NAPSA: variants seen among roughly 807,000 people sequenced by gnomAD.
NAPSA encodes napsin A aspartic peptidase.
Under a neutral mutation model 36.7 loss-of-function variants are expected in NAPSA, and 37 were observed. That is an observed-to-expected ratio of 1.01 (90% confidence interval 0.78 to 1.33). The LOEUF is 1.33. Among genes scored for constraint, NAPSA ranks in the 40% most tolerant of loss-of-function variants. The probability of loss-of-function intolerance (pLI) is 0.00; values close to 1 mark genes in which losing one functional copy is unlikely to be tolerated. For missense variants in NAPSA, 532 were observed against 543.8 expected (o/e 0.98, Z 0.21); for synonymous variants, 222 against 234.5 (o/e 0.95, Z 0.49).
chr19:50,367,117 A>G (rs2037558357), upstream of NAPSA, among the ~76,000 whole-genome samples: 1 of 150,488 alleles, frequency 6.6e-6, no homozygotes, highest in South Asian at 2.1e-4. Context: ...GAGCCACCGC[A>G]CCCAGCCTAC....
chr19:50,362,461 A>G, intron 1 of NAPSA, 148 bp from the exon 2 acceptor site: 1 of 639,766 alleles, frequency 1.6e-6, no homozygotes, highest in East Asian at 3.0e-5. Context: ...AACAACCTCC[A>G]GAAAAGCCCA....
upstream of NAPSA, chr19:50,369,150 C>T (rs915010745): frequency 6.6e-6 from 1 of 152,164 alleles, no homozygotes; most frequent in Non-Finnish European, 1.5e-5. Flanking sequence ...TTAAACCCGT[C>T]ATTTTATTTA....
chr19:50,367,866 C>T (rs2037568794), upstream of NAPSA, among the ~76,000 whole-genome samples: 1 of 152,048 alleles, frequency 6.6e-6, no homozygotes, highest in South Asian at 2.1e-4. Flanking sequence ...AGTCAAAACC[C>T]TTAGAAATCG....
rs2037492241 is a variant in NAPSA at position 50,362,578 on chromosome 19, A to G, written c.84-265T>C. 10 of 306,316 alleles carry G rather than the reference A, an allele frequency of 3.3e-5. No individual in the cohort carries two copies. The South Asian group carries it at 7.6e-4, about 23-fold the overall frequency. The allele number at this position is 306,316 out of a possible 1,614,324, so 19.0% of individuals were successfully genotyped here. ...CCTTAAAATAAGCTATTCCCAAGGA[A>G]TTGACATTCTTAAAGATTTCCCAAG... On this transcript the variant is annotated intron_variant, in intron 1 of 8. Coordinates refer to ENST00000253719, the MANE Select transcript of NAPSA (RefSeq NM_004851.3).
chr19:50,360,007 G>A (rs749829491), intron 5 of NAPSA, 145 bp from the exon 6 acceptor site: 2 of 1,082,566 alleles, frequency 1.8e-6, no homozygotes, highest in East Asian at 2.5e-5. Context: ...GGGCCTAGAT[G>A]TTGGGACTGG....
chr19:50,359,111 T>C lies in NAPSA; in HGVS notation c.937-2A>G. On this transcript the variant is annotated splice_acceptor_variant, in intron 7 of 8. Coordinates refer to ENST00000253719, the MANE Select transcript of NAPSA (RefSeq NM_004851.3). LOFTEE classifies it high-confidence loss of function. ...GATTTCCGAGCACAGGATGATGTAC[T>C]GGGGGAGAAGAGGAACTAGTGAAGA... The C allele has an allele frequency of 6.2e-7, 1 of 1,610,882 alleles. No individual in the cohort carries two copies. Among genetic ancestry groups the C allele is most frequent in the Non-Finnish European group, 8.5e-7 (1 of 1,177,240 alleles).
rs2037538879 is a variant in NAPSA at position 50,365,594 on chromosome 19, G to GT, written c.27_28insA (p.Leu10ThrfsTer87). The stretch of plus-strand genomic sequence containing the variant: ...TTCAGCAGAGGCAGCAGCAGCAGCA[G>GT]GGGTTGCAGCAGCGGTGGTGGAGAC... On this transcript the variant is annotated frameshift_variant, in exon 1 of 9. Coordinates refer to ENST00000253719, the MANE Select transcript of NAPSA (RefSeq NM_004851.3). LOFTEE classifies it high-confidence loss of function. The GT allele has an allele frequency of 2.8e-5, 45 of 1,613,124 alleles. No individual in the cohort carries two copies. Among genetic ancestry groups the GT allele is most frequent in the Non-Finnish European group, 3.6e-5 (43 of 1,179,766 alleles).
Position 50,359,648 on chromosome 19 carries a change from C to G in NAPSA, c.792-1G>C, listed in dbSNP as rs1050829305. 2.5e-6 allele frequency: 4 copies of G among 1,614,124 alleles called. No individual in the cohort carries two copies. The highest frequency in any genetic ancestry group is 1.3e-5 in the African/African-American group (1 of 74,956). ...AGTCAGCCCTGGGCCCACCTTCACACTGAGGGGGAAGGAGGCAGTCATCAG... is the reference window on the plus strand; with the variant it reads ...AGTCAGCCCTGGGCCCACCTTCACAGTGAGGGGGAAGGAGGCAGTCATCAG... On this transcript the variant is annotated splice_acceptor_variant, in intron 6 of 8. Transcript: ENST00000253719. LOFTEE classifies it high-confidence loss of function.
Position 50,359,559 on chromosome 19 carries a change from C to T in NAPSA, c.880G>A (p.Glu294Lys), listed in dbSNP as rs2037443500. ...GCTGCATGCAGGGCCCGGATCTCCT[C>T]AGTGGGTCCTGTGATGAGGGACGTG... Reference protein sequence around the residue: ...TGTSLITGPTEEIRALHAAIG... With the variant: ...TGTSLITGPTKEIRALHAAIG... The change falls in exon 7 of 9, where the codon GAG (glutamate) becomes AAG (lysine). Residue 294 changes from glutamate to lysine, a missense_variant. Around this residue, in one of 3 missense-constraint regions of NAPSA, gnomAD observed 385 missense variants for 371.5 expected, o/e 1.04. Transcript: ENST00000253719. 3 of 1,614,246 alleles carry T rather than the reference C, an allele frequency of 1.9e-6. No homozygotes were observed. Among genetic ancestry groups the T allele is most frequent in the Admixed American group, 1.7e-5 (1 of 60,028 alleles).
chr19:50,361,394 G>A, intron 4 of NAPSA: 1 of 579,008 alleles, frequency 1.7e-6, no homozygotes, highest in Non-Finnish European at 3.0e-6. Flanking sequence ...CACCCAGGAA[G>A]CTCCTCCTCC....
Position 50,358,611 on chromosome 19 carries a change from C to G in NAPSA, c.1205G>C (p.Arg402Pro), listed in dbSNP as rs768530475. Residue 402 changes from arginine to proline, a missense_variant, in exon 9 of 9, where the codon CGC becomes CCC. Coordinates refer to ENST00000253719, the MANE Select transcript of NAPSA (RefSeq NM_004851.3). ...CCATCCGAGGTCCGCTCCGCGAGTG[C>G]GAGCGCGCGCCAGGCCCACCCGGGC... ...SSARVGLARA[R>P]TRGADLGWGE... 2.5e-6 allele frequency: 4 copies of G among 1,611,946 alleles called. No homozygotes were observed. Among genetic ancestry groups the G allele is most frequent in the African/African-American group, 1.3e-5 (1 of 74,912 alleles).
Position 50,358,541 on chromosome 19 carries a change from T to C in NAPSA, c.*12A>G, listed in dbSNP as rs778353158. On this transcript the variant is annotated 3_prime_UTR_variant, in exon 9 of 9. Transcript: ENST00000253719. ...CCGCGACCACCCGCTGCGCATGCGC[T>C]TCACTTGGGCGTCACCCGGGGAACT... 9 of 1,572,428 alleles carry C rather than the reference T, an allele frequency of 5.7e-6. No individual in the cohort carries two copies. In the East Asian group the frequency reaches 1.6e-4, roughly 28 times the overall value.
chr19:50,362,370 G>A, intron 1 of NAPSA, 57 bp from the exon 2 acceptor site: 1 of 1,496,942 alleles, frequency 6.7e-7, no homozygotes, highest in South Asian at 1.3e-5. Flanking sequence ...CCTCTAAATA[G>A]ACTTACCCAA....
chr19:50,361,202 G>A, intron 4 of NAPSA, 62 bp from the exon 5 acceptor site: 1 of 1,443,108 alleles, frequency 6.9e-7, no homozygotes, highest in Non-Finnish European at 9.7e-7. Flanking sequence ...ATGTCCTGAG[G>A]TCTCCCAAAC....
At position 50,359,121 on chromosome 19, in the gene NAPSA, G is replaced by T. The variant is rs760759729; in HGVS notation, c.937-12C>A. The T allele has an allele frequency of 6.2e-7, 1 of 1,600,974 alleles. No individual in the cohort carries two copies. ...CACAGGATGATGTACTGGGGGAGAA[G>T]AGGAACTAGTGAAGATGAGAGATTC... On this transcript the variant is annotated splice_polypyrimidine_tract_variant and intron_variant, in intron 7 of 8. Coordinates refer to ENST00000253719, the MANE Select transcript of NAPSA (RefSeq NM_004851.3).
At chr19:50,359,157 C>T in intron 7 of NAPSA, 48 bp from the exon 8 acceptor site, 1 of 1,512,074 alleles carries the variant, frequency 6.6e-7, no homozygotes, top group Non-Finnish European at 9.2e-7. Context: ...CTGCTCTGTT[C>T]AGTCCCTTCC....
At chr19:50,361,936 C>A (rs780917700) in intron 3 of NAPSA, 33 bp downstream of exon 3, 5 of 1,591,816 alleles carry the variant, frequency 3.1e-6, no homozygotes, top group Non-Finnish European at 4.3e-6. Flanking sequence ...CCTTCACCCC[C>A]ATTCAGCCTT....
intron 7 of NAPSA, 36 bp downstream of exon 7, chr19:50,359,466 GC>G: frequency 1.9e-6 from 3 of 1,612,568 alleles, no homozygotes; most frequent in Non-Finnish European, 2.5e-6. Context: ...ACTGCCATCA[GC>G]CTTCCCAGCC....
upstream of NAPSA, chr19:50,369,076 A>C (rs1018187721): frequency 1.3e-5 from 2 of 152,234 alleles, no homozygotes; most frequent in African/African-American, 2.4e-5. Flanking sequence ...AGTTTCCAGA[A>C]TCGCCCAACA....
Sources: gnomAD v4.1 joint callset for allele counts (sites outside exome capture counted in the v4.1 genomes callset) on GRCh38, gnomAD v4.1.1 for gene constraint, gnomAD v4.1.1 regional missense constraint, MANE v1.5 for transcripts, NCBI Gene and HGNC (gene_info 2026-07-23, HGNC 2026-07-21) for gene names.